Variants in PRKAR1B observed in about 807,000 individuals in gnomAD.
PRKAR1B encodes protein kinase cAMP-dependent type I regulatory subunit beta.
A neutral mutation model predicts 46.5 loss-of-function variants in PRKAR1B; 22 were observed. That is an observed-to-expected ratio of 0.47 (90% CI 0.34 to 0.68). The LOEUF is 0.68. Among genes scored for constraint, PRKAR1B ranks in the 30% least tolerant of loss-of-function variants. The pLI is 0.01. For synonymous variants in PRKAR1B, 259 were observed against 217.7 expected (o/e 1.19, Z -1.67); for missense variants, 445 against 535.6 (o/e 0.83, Z 1.67).
rs1316531010 is a variant in PRKAR1B, at chr7:550,115, C to T, written c.*315G>A. ...GGGAGGACCGATCCTCAAGCATCTC[C>T]AGGAGACTGGCAGGGGTGGGGTGGG... is the stretch of plus-strand genomic sequence containing the variant. On this transcript the variant is annotated 3_prime_UTR_variant, in exon 11 of 11. Coordinates refer to ENST00000537384, the MANE Select transcript of PRKAR1B (RefSeq NM_001164760.2). 2 of 374,108 alleles carry T rather than the reference C, an allele frequency of 5.3e-6. No individual in the cohort carries two copies. Among genetic ancestry groups the T allele is most frequent in the Admixed American group, 4.3e-5 (1 of 23,510 alleles). 23.2% of individuals were successfully genotyped at this position (374,108 alleles called of 1,614,324 possible).
At chr7:716,211 T>C (rs1780878870) in intron 1 of PRKAR1B, among the ~76,000 whole-genome samples, 1 of 145,012 alleles carries the variant, frequency 6.9e-6, no homozygotes, top group African/African-American at 2.6e-5. Context: ...CCACACCTGG[T>C]ACTTAAAAAC....
Position 636,423 on chromosome 7 carries a change from C to CT in PRKAR1B, c.441-28972_441-28971insA, listed in dbSNP as rs1562579394. 4.3e-3 allele frequency among the ~76,000 whole-genome samples: 363 copies of CT among 85,364 alleles called. 16 individuals are homozygous for CT. Among genetic ancestry groups the CT allele is most frequent in the Middle Eastern group, 0.018 (3 of 168 alleles). 56.0% of individuals were successfully genotyped at this position (85,364 alleles called of 152,430 possible). A position where few individuals can be genotyped will look rare whatever the true frequency, so the allele number is the denominator to read the frequency against. ...ACGTCCTCCACCGGCCGCGCCCACA[C>CT]GTCCTCCACCGGCCGCGCCCTCACG... On this transcript the variant is annotated intron_variant, in intron 4 of 10. Coordinates refer to ENST00000537384, the MANE Select transcript of PRKAR1B (RefSeq NM_001164760.2).
Position 583,568 on chromosome 7 carries a change from ATGCACACACACT to A in PRKAR1B, c.769+928_769+939del, listed in dbSNP as rs1562537579. ...GTGCCAAACACATGCGTGCACACCC[ATGCACACACACT>A]TGCACACTCCCAGGTGCACACACAC... On this transcript the variant is annotated intron_variant, in intron 8 of 10. Coordinates refer to ENST00000537384, the MANE Select transcript of PRKAR1B (RefSeq NM_001164760.2). Among the ~76,000 whole-genome samples the A allele has an allele frequency of 3.6e-5, 2 of 55,646 alleles. 1 individual carries two copies. Among genetic ancestry groups the A allele is most frequent in the Non-Finnish European group, 7.5e-5 (2 of 26,714 alleles). The allele number at this position is 55,646 out of a possible 152,430, so 36.5% of individuals were successfully genotyped here.
chr7:701,236 G>C (rs1159028455), intron 2 of PRKAR1B, among the ~76,000 whole-genome samples: 3 of 143,018 alleles, frequency 2.1e-5, no homozygotes, highest in Non-Finnish European at 4.5e-5. Flanking sequence ...AAGGAGGGAG[G>C]GAAGGAAGGA....
intron 4 of PRKAR1B, among the ~76,000 whole-genome samples, chr7:627,329 C>T (rs984999517): frequency 4.6e-5 from 7 of 152,128 alleles, no homozygotes; most frequent in Non-Finnish European, 1.0e-4. Flanking sequence ...CGGAGGGTAG[C>T]GGTGGGGGCC....
At chr7:625,895 C>T (rs1400802319) in intron 4 of PRKAR1B, among the ~76,000 whole-genome samples, 1 of 151,536 alleles carries the variant, frequency 6.6e-6, no homozygotes. Context: ...GTAATCCCAG[C>T]TACTGGGGAG....
At chr7:656,103 C>T (rs1470447568) in intron 4 of PRKAR1B, among the ~76,000 whole-genome samples, 6 of 152,204 alleles carry the variant, frequency 3.9e-5, no homozygotes, top group Non-Finnish European at 1.5e-5. Flanking sequence ...ATTTCCAGCA[C>T]TGGGCACAGA....
upstream of PRKAR1B, among the ~76,000 whole-genome samples, chr7:728,772 G>A (rs1781455807): frequency 6.6e-6 from 1 of 152,148 alleles, no homozygotes; most frequent in Non-Finnish European, 1.5e-5. Flanking sequence ...TGGGGTGAGG[G>A]ACTGTGCCTC....
chr7:725,171 G>A (rs576927967), intron 1 of PRKAR1B, among the ~76,000 whole-genome samples: 4 of 147,768 alleles, frequency 2.7e-5, no homozygotes, highest in African/African-American at 1.0e-4. Flanking sequence ...CGGAGATCGC[G>A]CCACTGCACT....
chr7:723,112 G>A (rs933456360), intron 1 of PRKAR1B, among the ~76,000 whole-genome samples: 1 of 152,146 alleles, frequency 6.6e-6, no homozygotes, highest in Non-Finnish European at 1.5e-5. Context: ...CTCGTTCTGG[G>A]TCTCTTTGTG....
At chr7:581,491 G>A (rs1780182989) in intron 8 of PRKAR1B, among the ~76,000 whole-genome samples, 1 of 152,112 alleles carries the variant, frequency 6.6e-6, no homozygotes, top group African/African-American at 2.4e-5. Flanking sequence ...AATTTGGAGT[G>A]TTTTCTTTAC....
At position 618,141 on chromosome 7, in the gene PRKAR1B, C is replaced by T. The variant is rs182273784; in HGVS notation, c.441-10689G>A. ...GGCAGGGCAAGGTCCAGGAACACAG[C>T]CCGCACACCCATATCCCTGCACTCA... On this transcript the variant is annotated intron_variant, in intron 4 of 10. Transcript: ENST00000537384. 6.3e-3 allele frequency among the ~76,000 whole-genome samples: 952 copies of T among 152,266 alleles called. 11 individuals are homozygous for T. Among genetic ancestry groups the T allele is most frequent in the African/African-American group, 0.022 (898 of 41,542 alleles).
intron 4 of PRKAR1B, among the ~76,000 whole-genome samples, chr7:650,686 C>A (rs1017510127): frequency 6.6e-6 from 1 of 152,246 alleles, no homozygotes; most frequent in African/African-American, 2.4e-5. Context: ...CCTTTGACTG[C>A]GCCAACTTCA....
At chr7:551,707 G>C (rs1327675960) in intron 9 of PRKAR1B, among the ~76,000 whole-genome samples, 2 of 145,316 alleles carry the variant, frequency 1.4e-5, no homozygotes, top group African/African-American at 5.2e-5. Context: ...TCCTGCCCAG[G>C]TCCTTCTCCA....
intron 2 of PRKAR1B, among the ~76,000 whole-genome samples, chr7:689,688 CT>C (rs113350333): frequency 2.0e-5 from 3 of 149,950 alleles, no homozygotes; most frequent in African/African-American, 4.9e-5. Context: ...AAAGAGAAGA[CT>C]TTTTTTTTGA....
At chr7:728,822 C>T (rs985824022), upstream of PRKAR1B, among the ~76,000 whole-genome samples, 2 of 152,036 alleles carry the variant, frequency 1.3e-5, no homozygotes, top group African/African-American at 4.8e-5. Flanking sequence ...CTCTGGCCTT[C>T]CTCTCCCCTG....
At chr7:557,247 C>T (rs574892576) in intron 9 of PRKAR1B, among the ~76,000 whole-genome samples, 20 of 152,316 alleles carry the variant, frequency 1.3e-4, no homozygotes, top group African/African-American at 4.6e-4. Context: ...CGAATCCCTT[C>T]CTCACGTCTC....
intron 2 of PRKAR1B, among the ~76,000 whole-genome samples, chr7:703,925 T>C (rs1780187040): frequency 1.3e-5 from 2 of 151,732 alleles, no homozygotes; most frequent in African/African-American, 4.8e-5. Flanking sequence ...ATCAAAAAAA[T>C]CCCCAAATAT....
At chr7:685,856 A>G (rs1161692928) in intron 2 of PRKAR1B, among the ~76,000 whole-genome samples, 1 of 152,216 alleles carries the variant, frequency 6.6e-6, no homozygotes, top group Non-Finnish European at 1.5e-5. Context: ...TTACTTACAA[A>G]GCATAAAAGG....
Sources: gnomAD v4.1 joint callset for allele counts (sites outside exome capture counted in the v4.1 genomes callset) on GRCh38, gnomAD v4.1.1 for gene constraint, MANE v1.5 for transcripts, NCBI Gene and HGNC (gene_info 2026-07-23, HGNC 2026-07-21) for gene names.